NKD1: variants seen among roughly 807,000 people sequenced by gnomAD.
The protein encoded by NKD1 is protein naked cuticle homolog 1.
In NKD1, 21 loss-of-function variants were observed where a neutral mutation model predicts 56.0. The ratio of observed to expected loss-of-function variants is 0.38; its 90% CI spans 0.27 to 0.54. The LOEUF (loss-of-function observed/expected upper bound fraction) is 0.54. NKD1 is among the 20% of genes least tolerant of loss of function. The pLI, the probability that NKD1 is intolerant of heterozygous loss-of-function variation, is 0.82. For missense variants in NKD1, 578 were observed against 642.7 expected (o/e 0.90, Z 1.09); for synonymous variants, 263 against 265.7 (o/e 0.99, Z 0.10).
rs1469011200 is a variant in NKD1, at chr16:50,598,267, GCA to G, written c.193-10023_193-10022del. 6.6e-6 allele frequency among the ~76,000 whole-genome samples: 1 copy of G among 151,678 alleles called. No individual in the cohort carries two copies. The highest frequency in any genetic ancestry group is 1.5e-5 in the Non-Finnish European group (1 of 67,954). On this transcript the variant is annotated intron_variant, in intron 3 of 9. Transcript: ENST00000268459. The surrounding 1 kb of genome is among the most constrained non-coding windows in gnomAD (Gnocchi z 4.2). Reference sequence around the variant, plus strand: ...TGTGTGTGTGTGTGTGTGTGTGCGCGCACACCTGTGCTCATGGACACTCTTGT... The same window carrying G: ...TGTGTGTGTGTGTGTGTGTGTGCGCGCACCTGTGCTCATGGACACTCTTGT...
chr16:50,631,166 T>C (rs1157590125), intron 8 of NKD1, among the ~76,000 whole-genome samples: 1 of 152,222 alleles, frequency 6.6e-6, no homozygotes, highest in Non-Finnish European at 1.5e-5. Flanking sequence ...CTCTCAGCAG[T>C]GCATCAGGCT....
chr16:50,630,993 C>T (rs1053738929), intron 8 of NKD1, 83 bp downstream of exon 8: 1 of 1,144,262 alleles, frequency 8.7e-7, no homozygotes, highest in Non-Finnish European at 1.2e-6. Context: ...GGAAGTTTTG[C>T]TCTGGTCTGT....
Position 50,632,358 on chromosome 16 carries a change from A to C in NKD1, c.773A>C (p.His258Pro). Residue 258 changes from histidine (H) to proline (P), a missense_variant, in exon 9 of 10, where the codon CAC (histidine) becomes CCC (proline). His to Pro is a moderately conservative substitution (Grantham distance 77, BLOSUM62 -2). Coordinates refer to ENST00000268459, the MANE Select transcript of NKD1 (RefSeq NM_033119.5). This position sits in a 1 kb window ranked among gnomAD's most constrained non-coding sequence, Gnocchi z 4.1. ...CVDENIERRNHYLDLAGIENY... is the reference protein window; with the variant it reads ...CVDENIERRNPYLDLAGIENY... The stretch of plus-strand genomic sequence containing the variant: ...GATGAGAACATCGAGAGGAGAAACC[A>C]CTACTTAGATCTCGCCGGGATAGAA... The C allele has an allele frequency of 6.2e-7, 1 of 1,614,080 alleles. No individual in the cohort carries two copies. The highest frequency in any genetic ancestry group is 8.5e-7 in the Non-Finnish European group (1 of 1,179,968).
intron 7 of NKD1, 77 bp downstream of exon 7, chr16:50,630,410 G>T: frequency 6.5e-7 from 1 of 1,528,416 alleles, no homozygotes; most frequent in Non-Finnish European, 8.9e-7. Context: ...TGGGAGGGCC[G>T]GAAGGGAACC....
At chr16:50,597,604 C>T (rs955398451) in intron 3 of NKD1, among the ~76,000 whole-genome samples, 2 of 152,046 alleles carry the variant, frequency 1.3e-5, no homozygotes, top group African/African-American at 4.8e-5. Flanking sequence ...GGAAAACGCA[C>T]CTTTTTGTTT....
At chr16:50,585,418 A>G (rs74771851) in intron 3 of NKD1, among the ~76,000 whole-genome samples, 2 of 152,176 alleles carry the variant, frequency 1.3e-5, no homozygotes, top group East Asian at 3.9e-4. Context: ...CTGCCGGCCA[A>G]GGAATTCGGG....
intron 3 of NKD1, among the ~76,000 whole-genome samples, chr16:50,552,886 G>A (rs1322057655): frequency 6.6e-6 from 1 of 152,210 alleles, no homozygotes; most frequent in African/African-American, 2.4e-5. Flanking sequence ...TTGGAGGGAC[G>A]CAGGCCAAGG....
rs968869624 is a variant in NKD1, at chr16:50,634,130, C to T, written c.*349C>T. The T allele has an allele frequency of 4.9e-6, 1 of 205,946 alleles. No homozygotes were observed. 12.8% of individuals were successfully genotyped at this position (205,946 alleles called of 1,614,324 possible). A position where few individuals can be genotyped will look rare whatever the true frequency, so the allele number is the denominator to read the frequency against. The stretch of plus-strand genomic sequence containing the variant: ...CCCTTAGCCTCAACTCTGCCCCACC[C>T]CAGCCTCTTCCAGGAGAGCACCCTT... On this transcript the variant is annotated 3_prime_UTR_variant, in exon 10 of 10. Transcript: ENST00000268459.
intron 4 of NKD1, among the ~76,000 whole-genome samples, chr16:50,610,677 C>T (rs191124592): frequency 8.3e-4 from 126 of 152,294 alleles, no homozygotes; most frequent in Non-Finnish European, 1.4e-3. Context: ...CCATCTGAGG[C>T]GTGAAGATAA....
At chr16:50,622,068 G>A (rs1962104154) in intron 5 of NKD1, among the ~76,000 whole-genome samples, 1 of 152,188 alleles carries the variant, frequency 6.6e-6, no homozygotes, top group African/African-American at 2.4e-5. Context: ...AACTCTTGAG[G>A]CTGTTCTGGG....
At chr16:50,608,128 G>A (rs1961755165) in intron 3 of NKD1, 166 bp from the exon 4 acceptor site, 1 of 654,360 alleles carries the variant, frequency 1.5e-6, no homozygotes, top group Non-Finnish European at 2.8e-6. Context: ...AAGGGCAGGA[G>A]GGACCCACCT....
chr16:50,614,245 G>T (rs1961913510), intron 4 of NKD1, among the ~76,000 whole-genome samples: 2 of 152,122 alleles, frequency 1.3e-5, no homozygotes, highest in Admixed American at 6.5e-5. Flanking sequence ...GATTCTTTCG[G>T]TTCTTTTGGA....
Position 50,576,834 on chromosome 16 carries a change from C to T in NKD1, c.192+27279C>T, listed in dbSNP as rs986210989. 3.3e-5 allele frequency among the ~76,000 whole-genome samples: 5 copies of T among 151,726 alleles called. No homozygotes were observed. In the East Asian group the frequency reaches 7.8e-4, roughly 24 times the overall value. The stretch of plus-strand genomic sequence containing the variant: ...TACCAAGTATACTCTGTCCACCCAC[C>T]CAGTGACCCACTGGGAAGGTATTCC... On this transcript the variant is annotated intron_variant, in intron 3 of 9. Coordinates refer to ENST00000268459, the MANE Select transcript of NKD1 (RefSeq NM_033119.5).
At chr16:50,571,397 C>A in intron 3 of NKD1, 1 of 754,222 alleles carries the variant, frequency 1.3e-6, no homozygotes, top group Non-Finnish European at 1.6e-6. Context: ...CACATGGAGG[C>A]TTTGGGGGTT....
At chr16:50,625,658 C>T in intron 6 of NKD1, 78 bp downstream of exon 6, 2 of 877,508 alleles carry the variant, frequency 2.3e-6, no homozygotes, top group East Asian at 2.6e-5. Context: ...CTGCCACTGC[C>T]ACTTCTCTCC....
At chr16:50,597,127 A>T (rs1961489922) in intron 3 of NKD1, among the ~76,000 whole-genome samples, 1 of 152,150 alleles carries the variant, frequency 6.6e-6, no homozygotes, top group Admixed American at 6.5e-5. Context: ...GGTTGTCATT[A>T]TTCAAGAGGA....
chr16:50,618,431 C>T (rs747978074), intron 4 of NKD1, among the ~76,000 whole-genome samples: 39 of 152,216 alleles, frequency 2.6e-4, no homozygotes, highest in Non-Finnish European at 5.3e-4. Context: ...CTCCCGCCTC[C>T]AGTGGGCCTG....
chr16:50,565,367 G>A (rs1399136217), intron 3 of NKD1, among the ~76,000 whole-genome samples: 31 of 141,764 alleles, frequency 2.2e-4, no homozygotes, highest in African/African-American at 6.5e-4. Context: ...GTGAGACTCC[G>A]TCTCAAAAAA....
In NKD1 at chr16:50,575,344, C is replaced by CAG. The variant is rs534537241; in HGVS notation, c.192+25792_192+25793dup. ...GTTCACAAGTGTTTGCTTCATAGGC[C>CAG]AGAGCCGGCTTAGGGCCTGGTTTTC... On this transcript the variant is annotated intron_variant, in intron 3 of 9. Transcript: ENST00000268459. 7.6e-4 allele frequency: 745 copies of CAG among 985,362 alleles called. 5 individuals carry two copies. In the African/African-American group the frequency reaches 0.012, roughly 16 times the overall value. The allele number at this position is 985,362 out of a possible 1,614,324, so 61.0% of individuals were successfully genotyped here. A position where few individuals can be genotyped will look rare whatever the true frequency, so the allele number is the denominator to read the frequency against.
Sources: gnomAD v4.1 joint callset for allele counts (sites outside exome capture counted in the v4.1 genomes callset) on GRCh38, gnomAD v4.1.1 for gene constraint, Gnocchi (gnomAD v3.1) non-coding constraint, MANE v1.5 for transcripts, NCBI Gene and HGNC (gene_info 2026-07-23, HGNC 2026-07-21) for gene names.